Variants in WNT16 observed in about 807,000 individuals in gnomAD.
WNT16 encodes protein Wnt-16.
A neutral mutation model predicts 35.4 loss-of-function variants in WNT16; 20 were observed. The ratio of observed to expected loss-of-function variants is 0.56; its 90% CI spans 0.40 to 0.82. The LOEUF (loss-of-function observed/expected upper bound fraction) is 0.82. Among genes scored for constraint, WNT16 ranks in the 40% least tolerant of loss-of-function variants. The probability of loss-of-function intolerance (pLI) is 0.00; values close to 1 mark genes in which losing one functional copy is unlikely to be tolerated. For missense variants in WNT16, 461 were observed against 466.0 expected (o/e 0.99, Z 0.10); for synonymous variants, 180 against 179.2 (o/e 1.00, Z -0.03).
intron 2 of WNT16, among the ~76,000 whole-genome samples, chr7:121,330,272 A>G (rs1793319095): frequency 6.6e-6 from 1 of 152,122 alleles, no homozygotes; most frequent in Non-Finnish European, 1.5e-5. Flanking sequence ...CCCCACCTTT[A>G]TTGGCTCCTA....
rs1793506401 is a variant in WNT16, at chr7:121,339,915, G to T, written c.*570G>T. 6.5e-6 allele frequency: 1 copy of T among 154,858 alleles called. No individual in the cohort carries two copies. Among genetic ancestry groups the T allele is most frequent in the Non-Finnish European group, 1.4e-5 (1 of 70,040 alleles). The allele number at this position is 154,858 out of a possible 1,614,324, so 9.6% of individuals were successfully genotyped here. On this transcript the variant is annotated 3_prime_UTR_variant, in exon 4 of 4. Transcript: ENST00000222462. ...ACCCTTTCATGTACTTCCAAAGAAA[G>T]GTAATCAAAAAGAATCTTCTTAAGT...
At chr7:121,330,988 A>G (rs1051669700) in intron 2 of WNT16, among the ~76,000 whole-genome samples, 1 of 152,168 alleles carries the variant, frequency 6.6e-6, no homozygotes, top group Admixed American at 6.5e-5. Context: ...AATATTCAAT[A>G]TTTTTAATAG....
upstream of WNT16, among the ~76,000 whole-genome samples, chr7:121,327,262 G>A (rs965022781): frequency 1.3e-4 from 20 of 152,096 alleles, no homozygotes; most frequent in African/African-American, 4.8e-4. Flanking sequence ...GTTGGATAAG[G>A]GAGTGAATGG....
In WNT16 at chr7:121,332,007, G is replaced by C. The variant is rs377184950; in HGVS notation, c.633+43G>C. On this transcript the variant is annotated intron_variant, in intron 3 of 3. Coordinates refer to ENST00000222462, the MANE Select transcript of WNT16 (RefSeq NM_057168.2). Reference sequence around the variant, plus strand: ...GAATAATCAAAACCCAGTGCTGTTAGGTAAATAACTAGGATTACACATCTG... The same window carrying C: ...GAATAATCAAAACCCAGTGCTGTTACGTAAATAACTAGGATTACACATCTG... The C allele has an allele frequency of 2.1e-5, 34 of 1,596,924 alleles. 1 individual carries two copies. The Admixed American group carries it at 2.4e-4, about 11-fold the overall frequency.
rs559368451 is a variant in WNT16, at chr7:121,337,127, A to G, written c.634-1754A>G. On this transcript the variant is annotated intron_variant, in intron 3 of 3. Coordinates refer to ENST00000222462, the MANE Select transcript of WNT16 (RefSeq NM_057168.2). Reference sequence around the variant, plus strand: ...ATTTAAAGAAATAAGCTTCTGTGACATACTTTATAAATTGCTGTCATATAA... The same window carrying G: ...ATTTAAAGAAATAAGCTTCTGTGACGTACTTTATAAATTGCTGTCATATAA... 2.8e-3 allele frequency among the ~76,000 whole-genome samples: 427 copies of G among 152,324 alleles called. 3 individuals carry two copies. The highest frequency in any genetic ancestry group is 9.6e-3 in the African/African-American group (397 of 41,566).
intron 3 of WNT16, among the ~76,000 whole-genome samples, chr7:121,332,958 A>G (rs2116837387): frequency 6.6e-6 from 1 of 152,174 alleles, no homozygotes; most frequent in East Asian, 1.9e-4. Context: ...TATTGACACA[A>G]CAAAGTTTGA....
In WNT16 at chr7:121,339,595, A is replaced by G. The variant is rs538096129; in HGVS notation, c.*250A>G. 1 of 492,304 alleles carries G rather than the reference A, an allele frequency of 2.0e-6. No homozygotes were observed. Among genetic ancestry groups the G allele is most frequent in the East Asian group, 2.9e-5 (1 of 34,678 alleles). 30.5% of individuals were successfully genotyped at this position (492,304 alleles called of 1,614,324 possible). ...TTCACCTTTTGATGATTTGGGGAAT[A>G]TATATTGACATACAAGGAAGATAAT... is the stretch of plus-strand genomic sequence containing the variant. On this transcript the variant is annotated 3_prime_UTR_variant, in exon 4 of 4. Transcript: ENST00000222462.
At chr7:121,328,474 T>C (rs7780789), upstream of WNT16, among the ~76,000 whole-genome samples, 8,349 of 152,154 alleles carry the variant, frequency 0.055, 390 homozygotes, top group South Asian at 0.15. Context: ...TAAATGACAG[T>C]GATTGTAAGC....
chr7:121,340,992 ATTTCTC>A lies in WNT16; in HGVS notation c.*1651_*1656del, dbSNP rs1017892494. On this transcript the variant is annotated 3_prime_UTR_variant, in exon 4 of 4. Transcript: ENST00000222462. ...TTCCCTGCCCCACAGTCTTCATTCT[ATTTCTC>A]TTTAATTTTATTCACTGAGGCAGAG... 6.6e-6 allele frequency: 1 copy of A among 152,130 alleles called. No individual in the cohort carries two copies. Among genetic ancestry groups the A allele is most frequent in the African/African-American group, 2.4e-5 (1 of 41,462 alleles). 9.4% of individuals were successfully genotyped at this position (152,130 alleles called of 1,614,324 possible). A position where few individuals can be genotyped will look rare whatever the true frequency, so the allele number is the denominator to read the frequency against.
At chr7:121,327,945 G>T (rs1031126027), upstream of WNT16, among the ~76,000 whole-genome samples, 1 of 152,152 alleles carries the variant, frequency 6.6e-6, no homozygotes, top group East Asian at 1.9e-4. Context: ...GCTCCAGGGA[G>T]TACCCTGCTA....
In WNT16 at chr7:121,338,964, G is replaced by A. The variant is rs1793483436; in HGVS notation, c.717G>A (p.Met239Ile). Residue 239 changes from methionine (M) to isoleucine (I), a missense_variant, in exon 4 of 4, where the codon ATG becomes ATA. Met to Ile is a conservative substitution (Grantham distance 10). Coordinates refer to ENST00000222462, the MANE Select transcript of WNT16 (RefSeq NM_057168.2). ...SCAVKTCWKT[M>I]SSFEKIGHLL... ...CTGTGAAAACATGCTGGAAAACCAT[G>A]TCTTCTTTTGAAAAGATTGGCCATT... 1 of 1,614,006 alleles carries A rather than the reference G, an allele frequency of 6.2e-7. No homozygotes were observed. The highest frequency in any genetic ancestry group is 8.5e-7 in the Non-Finnish European group (1 of 1,180,028).
At chr7:121,334,158 T>C (rs1455779380) in intron 3 of WNT16, among the ~76,000 whole-genome samples, 2 of 152,122 alleles carry the variant, frequency 1.3e-5, no homozygotes, top group Non-Finnish European at 2.9e-5. Context: ...ACAATTCAAT[T>C]TATGCATATA....
chr7:121,325,988 A>G (rs1457438706), upstream of WNT16, among the ~76,000 whole-genome samples: 3 of 144,422 alleles, frequency 2.1e-5, no homozygotes, highest in Admixed American at 2.1e-4. Flanking sequence ...GCAGTGAGTC[A>G]TGATAGAGCC....
Position 121,331,745 on chromosome 7 carries a change from A to C in WNT16, c.414A>C (p.Ser138=), listed in dbSNP as rs760254485. ...GCCTGGTGCATTCTGTGACCAGGTCATGCAGTGCAGGCAACATGACAGAGT... is the reference window on the plus strand; with the variant it reads ...GCCTGGTGCATTCTGTGACCAGGTCCTGCAGTGCAGGCAACATGACAGAGT... The part of the protein sequence containing the change: ...AAGLVHSVTR[S]CSAGNMTECS... Residue 138 remains serine (S), a synonymous_variant, in exon 3 of 4, where the codon TCA becomes TCC. Transcript: ENST00000222462. The C allele has an allele frequency of 2.5e-6, 4 of 1,614,242 alleles. No homozygotes were observed. In the South Asian group the frequency reaches 4.4e-5, roughly 18 times the overall value.
At position 121,329,563 on chromosome 7, in the gene WNT16, A is replaced by C; in HGVS notation, c.96-4A>C. 1 of 1,614,034 alleles carries C rather than the reference A, an allele frequency of 6.2e-7. No homozygotes were observed. On this transcript the variant is annotated splice_polypyrimidine_tract_variant and splice_region_variant and intron_variant, in intron 1 of 3. Coordinates refer to ENST00000222462, the MANE Select transcript of WNT16 (RefSeq NM_057168.2). Reference sequence around the variant, plus strand: ...TTAACGCTACGGGCGGCCGTGTCTTACAGGTGGTTGGGCATTGCCTCCTTC... The same window carrying C: ...TTAACGCTACGGGCGGCCGTGTCTTCCAGGTGGTTGGGCATTGCCTCCTTC...
At position 121,329,197 on chromosome 7, in the gene WNT16, A is replaced by G. The variant is rs949668937; in HGVS notation, c.-96A>G. 10 of 1,440,934 alleles carry G rather than the reference A, an allele frequency of 6.9e-6. No homozygotes were observed. The highest frequency in any genetic ancestry group is 9.1e-6 in the Non-Finnish European group (10 of 1,100,198). 89.3% of individuals were successfully genotyped at this position (1,440,934 alleles called of 1,614,324 possible). ...TGCAAGGAGGAAGAGGGCGAGGGAT[A>G]ACTTGGTGCTGGACAACTGACCTGC... On this transcript the variant is annotated 5_prime_UTR_variant, in exon 1 of 4. The change creates a new upstream start codon in the 5' untranslated region. Coordinates refer to ENST00000222462, the MANE Select transcript of WNT16 (RefSeq NM_057168.2).
At chr7:121,328,948 A>T (rs551156030), upstream of WNT16, 7 of 888,568 alleles carry the variant, frequency 7.9e-6, no homozygotes, top group African/African-American at 8.8e-5. Context: ...AGGCGCGGCC[A>T]GGGGGAGGAG....
In WNT16 at chr7:121,329,805, G is replaced by A. The variant is rs750068185; in HGVS notation, c.334G>A (p.Glu112Lys). The A allele has an allele frequency of 2.2e-5, 36 of 1,603,270 alleles. No homozygotes were observed. The highest frequency in any genetic ancestry group is 4.5e-5 in the East Asian group (2 of 44,900). ...GGGCGCCAGCCCCCTCTTTGGCTAC[G>A]AGCTGAGCAGCGGTGAGTCCTGGGT... ...PMGASPLFGY[E>K]LSSGTKETAF... Residue 112 changes from glutamate to lysine, a missense_variant, in exon 2 of 4, where the codon GAG (glutamate) becomes AAG (lysine). Transcript: ENST00000222462.
At chr7:121,325,433 C>A (rs1225605026), upstream of WNT16, 1 of 1,613,806 alleles carries the variant, frequency 6.2e-7, no homozygotes, top group East Asian at 2.2e-5. Context: ...TCACCACTTG[C>A]CTCAGGGAGA....
Sources: allele counts gnomAD v4.1 joint callset (sites outside exome capture counted in the v4.1 genomes callset), GRCh38; gene constraint gnomAD v4.1.1; transcripts MANE v1.5; gene names NCBI Gene and HGNC (gene_info 2026-07-23, HGNC 2026-07-21).